TMC6: variants seen among roughly 807,000 people sequenced by gnomAD.
TMC6 encodes the protein transmembrane channel-like protein 6.
In TMC6, 71 loss-of-function variants were observed where a neutral mutation model predicts 95.4. That is an observed-to-expected ratio of 0.74 (90% CI 0.61 to 0.91). The LOEUF (loss-of-function observed/expected upper bound fraction) is 0.91, where lower values mean the gene tolerates loss of function less well. Among genes scored for constraint, TMC6 ranks in the 40% least tolerant of loss-of-function variants. The pLI is 0.00. For synonymous variants in TMC6, 514 were observed against 483.1 expected, an observed-to-expected ratio of 1.06 and a Z score of -0.84; for missense variants, 1,074 against 1,079.1, an observed-to-expected ratio of 1.00 and a Z score of 0.07.
intron 18 of TMC6, among the ~76,000 whole-genome samples, chr17:78,114,907 G>A (rs976893202): frequency 2.6e-5 from 4 of 151,106 alleles, no homozygotes; most frequent in African/African-American, 9.7e-5. Flanking sequence ...TCCCATCCCA[G>A]AGCAACGGTG....
upstream of TMC6, chr17:78,131,768 TG>T (rs571238694): frequency 6.3e-5 from 99 of 1,560,616 alleles, no homozygotes; most frequent in Middle Eastern, 1.7e-4. Context: ...AGACGGTGCG[TG>T]GGGGGGGTGC....
rs763009933 is a variant in TMC6 at position 78,126,770 on chromosome 17, C to T, written c.56+7G>A. 8.7e-6 allele frequency: 14 copies of T among 1,613,004 alleles called. No individual in the cohort carries two copies. The highest frequency in any genetic ancestry group is 4.4e-5 in the South Asian group (4 of 91,034). On this transcript the variant is annotated splice_region_variant and intron_variant, in intron 2 of 19. Coordinates refer to ENST00000590602, the MANE Select transcript of TMC6 (RefSeq NM_001127198.5). ...CAGCCTCCAGCCCCCAGCCCCAGAG[C>T]GCTTACCCCTGGTCCCCTGGGGTCT...
chr17:78,120,697 G>A lies in TMC6; in HGVS notation c.1671C>T (p.Phe557=), dbSNP rs765210208. The A allele has an allele frequency of 1.3e-5, 21 of 1,613,876 alleles. No homozygotes were observed. Among genetic ancestry groups the A allele is most frequent in the Admixed American group, 3.3e-5 (2 of 59,984 alleles). The change falls in exon 13 of 20, where the codon TTC becomes TTT. Residue 557 remains phenylalanine (F), a synonymous_variant. Transcript: ENST00000590602. ...QELYRFLVMD[F]VLMLLDTLFG... Reference sequence around the variant, plus strand: ...AAAGCGTGTCCAGCAACATGAGGACGAAGTCCATCACCAGGAACCGGTACA... The same window carrying A: ...AAAGCGTGTCCAGCAACATGAGGACAAAGTCCATCACCAGGAACCGGTACA...
At chr17:78,126,039 C>G in intron 4 of TMC6, 155 bp from the exon 5 acceptor site, 1 of 1,214,842 alleles carries the variant, frequency 8.2e-7, no homozygotes, top group Non-Finnish European at 1.1e-6. Flanking sequence ...TTCCGAAAGC[C>G]TATTTTTACC....
At chr17:78,120,105 T>G (rs1208988845) in intron 13 of TMC6, 1 of 334,098 alleles carries the variant, frequency 3.0e-6, no homozygotes, top group African/African-American at 2.2e-5. Flanking sequence ...CCCTGCTGTG[T>G]GTTTTTCCTT....
chr17:78,112,149 G>A lies in TMC6; in HGVS notation c.*999C>T. ...CTGGTTCCTGCAGGCCTGGAGCACA[G>A]GCTGACGGGCTGGTCCCCACAGACC... On this transcript the variant is annotated 3_prime_UTR_variant, in exon 20 of 20. Transcript: ENST00000590602. The A allele has an allele frequency of 4.5e-6, 1 of 219,936 alleles. No homozygotes were observed. The highest frequency in any genetic ancestry group is 3.9e-5 in the South Asian group (1 of 25,566). The allele number at this position is 219,936 out of a possible 1,614,324, so 13.6% of individuals were successfully genotyped here. A position where few individuals can be genotyped will look rare whatever the true frequency, so the allele number is the denominator to read the frequency against.
At chr17:78,119,479 CCCAGCCAGGGGACATCCTGGCCGT>C in intron 13 of TMC6, 87 bp from the exon 14 acceptor site, 1 of 1,352,252 alleles carries the variant, frequency 7.4e-7, no homozygotes, top group Non-Finnish European at 1.0e-6. Flanking sequence ...GCACCCCGCC[CCCAGCCAGGGGACATCCTGGCCGT>C]TCCACAGATA....
intron 19 of TMC6, 116 bp downstream of exon 19, chr17:78,113,432 A>C: frequency 7.4e-7 from 1 of 1,350,400 alleles, no homozygotes; most frequent in Non-Finnish European, 1.0e-6. Context: ...TGTAGGTCAA[A>C]AGCGGTCAAG....
upstream of TMC6, chr17:78,131,773 G>C (rs533585445): frequency 3.8e-6 from 6 of 1,559,886 alleles, no homozygotes; most frequent in Non-Finnish European, 4.3e-6. Context: ...GTGCGTGGGG[G>C]GGGTGCTGCG....
upstream of TMC6, chr17:78,131,750 C>T: frequency 6.3e-7 from 1 of 1,575,156 alleles, no homozygotes; most frequent in Non-Finnish European, 8.6e-7. Context: ...GGGTGCCACG[C>T]GGGCGCCAGA....
rs62079068 is a variant in TMC6 at position 78,118,020 on chromosome 17, G to A, written c.1888-85C>T. On this transcript the variant is annotated intron_variant, in intron 15 of 19. Coordinates refer to ENST00000590602, the MANE Select transcript of TMC6 (RefSeq NM_001127198.5). ...CTGGGGGAGCTCAAGAGGGAAGGGC[G>A]ACCAGGGCTGTGCGTCCAGGCAGAG... 131,033 of 1,545,210 alleles carry A rather than the reference G, an allele frequency of 0.085. 6,148 individuals are homozygous for A. The highest frequency in any genetic ancestry group is 0.13 in the African/African-American group (9,205 of 73,492).
chr17:78,120,953 G>T (rs1337483435), intron 12 of TMC6, 60 bp downstream of exon 12: 2 of 1,612,546 alleles, frequency 1.2e-6, no homozygotes, highest in African/African-American at 1.3e-5. Flanking sequence ...GATACACCCG[G>T]AGCTAAACAA....
chr17:78,121,519 G>T lies in TMC6; in HGVS notation c.1383+37C>A. ...AGGTGCCCAGAGTCACTGGGGACAC[G>T]TTCCAAGCAAGGGCCAGGCTCCCCC... On this transcript the variant is annotated intron_variant, in intron 11 of 19. Coordinates refer to ENST00000590602, the MANE Select transcript of TMC6 (RefSeq NM_001127198.5). This position sits in a 1 kb window ranked among gnomAD's most constrained non-coding sequence, Gnocchi z 5.6. 1 of 1,610,486 alleles carries T rather than the reference G, an allele frequency of 6.2e-7. No homozygotes were observed. Among genetic ancestry groups the T allele is most frequent in the Non-Finnish European group, 8.5e-7 (1 of 1,179,608 alleles).
At chr17:78,120,538 G>A in intron 13 of TMC6, 115 bp downstream of exon 13, 6 of 1,443,826 alleles carry the variant, frequency 4.2e-6, no homozygotes, top group Non-Finnish European at 5.8e-6. Flanking sequence ...TTCCTCTGAA[G>A]GGTGGAGACA....
Position 78,120,669 on chromosome 17 carries a change from C to G in TMC6, c.1699G>C (p.Gly567Arg), listed in dbSNP as rs368590817. The G allele has an allele frequency of 1.5e-5, 25 of 1,614,000 alleles. No individual in the cohort carries two copies. The highest frequency in any genetic ancestry group is 2.0e-5 in the Non-Finnish European group (24 of 1,179,994). Residue 567 changes from glycine to arginine, a missense_variant, in exon 13 of 20, where the codon GGG (glycine) becomes CGG (arginine). Coordinates refer to ENST00000590602, the MANE Select transcript of TMC6 (RefSeq NM_001127198.5). ...CCCCCTCACCTCCACACCAGTTCCC[C>G]AAAAAGCGTGTCCAGCAACATGAGG... ...FVLMLLDTLF[G>R]ELVWRIISEK...
intron 9 of TMC6, chr17:78,123,118 TA>T (rs2074497246): frequency 5.4e-6 from 2 of 368,458 alleles, no homozygotes; most frequent in African/African-American, 4.2e-5. Flanking sequence ...CACTCTTATC[TA>T]ACCTTCCCCT....
In TMC6 at chr17:78,111,944, C is replaced by G; in HGVS notation, c.*1204G>C. ...AGCACTGGGGTCATGACGGGCTGGT[C>G]CCCGCAGGCCTGGAGCACTGGGGTC... On this transcript the variant is annotated 3_prime_UTR_variant, in exon 20 of 20. Coordinates refer to ENST00000590602, the MANE Select transcript of TMC6 (RefSeq NM_001127198.5). 1 of 236,430 alleles carries G rather than the reference C, an allele frequency of 4.2e-6. No individual in the cohort carries two copies. Among genetic ancestry groups the G allele is most frequent in the South Asian group, 3.5e-5 (1 of 28,338 alleles). 14.6% of individuals were successfully genotyped at this position (236,430 alleles called of 1,614,324 possible).
chr17:78,119,706 C>G (rs2074313929), intron 13 of TMC6: 1 of 431,900 alleles, frequency 2.3e-6, no homozygotes, highest in Non-Finnish European at 4.3e-6. Context: ...GCAATCGTGG[C>G]TCACTGCAGC....
In TMC6 at chr17:78,117,879, C is replaced by T; in HGVS notation, c.1944G>A (p.Met648Ile). 1 of 1,607,314 alleles carries T rather than the reference C, an allele frequency of 6.2e-7. No individual in the cohort carries two copies. ...AGAGCAGCGTGAGGAAGACGGTGCT[C>T]ATGTGTGAGGCCAGCCAGGGCCGGC... ...APRRPWLASH[M>I]STVFLTLLCF... The change falls in exon 16 of 20, where the codon ATG becomes ATA. Residue 648 changes from methionine to isoleucine, a missense_variant. By Grantham distance (10) the Met-to-Ile change is conservative. Transcript: ENST00000590602.
Sources: gnomAD v4.1 joint callset for allele counts (sites outside exome capture counted in the v4.1 genomes callset) on GRCh38, gnomAD v4.1.1 for gene constraint, Gnocchi (gnomAD v3.1) non-coding constraint, MANE v1.5 for transcripts, NCBI Gene and HGNC (gene_info 2026-07-23, HGNC 2026-07-21) for gene names.